The following XIRP2 variants were observed in gnomAD, a reference collection of about 807,000 sequenced individuals.
The protein encoded by XIRP2 is xin actin-binding repeat-containing protein 2.
XIRP2 carries 236 observed loss-of-function variants against 277.0 expected under a neutral mutation model. That is an observed-to-expected ratio of 0.85 (90% CI 0.77 to 0.95). The LOEUF (loss-of-function observed/expected upper bound fraction) is 0.95, where lower values mean the gene tolerates loss of function less well. Ranked by LOEUF, XIRP2 falls within the 40% of genes least tolerant of loss-of-function variation. XIRP2 has a pLI of 0.00. For synonymous variants in XIRP2, 1,490 were observed against 1,416.5 expected, an observed-to-expected ratio of 1.05 and a Z score of -1.17; for missense variants, 4,640 against 4,157.5, an observed-to-expected ratio of 1.12 and a Z score of -3.19.
chr2:166,994,490 AT>A (rs1491205723), intron 2 of XIRP2, among the ~76,000 whole-genome samples: 2 of 86,942 alleles, frequency 2.3e-5, no homozygotes, highest in East Asian at 7.4e-4. Flanking sequence ...AAAAAAAAAA[AT>A]TAAAAAAAAA....
chr2:167,225,098 A>G (rs1694553355), intron 5 of XIRP2, among the ~76,000 whole-genome samples: 1 of 152,228 alleles, frequency 6.6e-6, no homozygotes, highest in African/African-American at 2.4e-5. Context: ...AACACTCTAT[A>G]TAGGTATGTT....
chr2:167,000,802 G>A (rs1687346492), intron 2 of XIRP2, among the ~76,000 whole-genome samples: 2 of 152,034 alleles, frequency 1.3e-5, no homozygotes, highest in African/African-American at 4.8e-5. Flanking sequence ...CAATCATAAT[G>A]TCTTTGATAG....
At chr2:167,201,803 T>A (rs1693729043) in intron 3 of XIRP2, among the ~76,000 whole-genome samples, 1 of 152,190 alleles carries the variant, frequency 6.6e-6, no homozygotes, top group African/African-American at 2.4e-5. Flanking sequence ...AAGAGTTTCA[T>A]ACCCTTAATT....
intron 2 of XIRP2, among the ~76,000 whole-genome samples, chr2:167,127,787 C>G (rs1203270996): frequency 6.6e-6 from 1 of 152,164 alleles, no homozygotes; most frequent in Non-Finnish European, 1.5e-5. Context: ...TTTTTAAAGC[C>G]AGAGAACCCT....
At chr2:166,964,053 A>G (rs1686365611) in intron 2 of XIRP2, among the ~76,000 whole-genome samples, 1 of 151,654 alleles carries the variant, frequency 6.6e-6, no homozygotes, top group South Asian at 2.1e-4. Context: ...TGAATGTGGG[A>G]ATTAAAAGAG....
At chr2:167,065,551 G>C (rs1689281668) in intron 2 of XIRP2, among the ~76,000 whole-genome samples, 1 of 151,590 alleles carries the variant, frequency 6.6e-6, no homozygotes, top group Non-Finnish European at 1.5e-5. Flanking sequence ...CGTTGTTGCT[G>C]TTATTGCTTG....
At position 167,120,091 on chromosome 2, in the gene XIRP2, G is replaced by A. The variant is rs556768184; in HGVS notation, c.409-15818G>A. Among the ~76,000 whole-genome samples the A allele has an allele frequency of 1.6e-4, 25 of 152,278 alleles. No individual in the cohort carries two copies. The East Asian group carries it at 3.9e-3, about 23-fold the overall frequency. ...CTTTAAACGATTTTACCTCCGTCAC[G>A]GTGGGGCTGGTTTCCATTGATGTTT... is the stretch of plus-strand genomic sequence containing the variant. On this transcript the variant is annotated intron_variant, in intron 2 of 10. Transcript: ENST00000409195.
intron 3 of XIRP2, among the ~76,000 whole-genome samples, chr2:167,178,516 G>A (rs1692918826): frequency 6.6e-6 from 1 of 151,986 alleles, no homozygotes; most frequent in African/African-American, 2.4e-5. Context: ...TTTGATTCGG[G>A]ATGGTTATTT....
intron 2 of XIRP2, among the ~76,000 whole-genome samples, chr2:167,000,012 A>G (rs780026005): frequency 1.3e-5 from 2 of 152,204 alleles, no homozygotes; most frequent in Non-Finnish European, 2.9e-5. Context: ...GTAGGCAACT[A>G]TGTTGCAAAA....
intron 4 of XIRP2, among the ~76,000 whole-genome samples, chr2:167,212,921 A>C (rs555079415): frequency 2.2e-5 from 1 of 44,744 alleles, no homozygotes; most frequent in East Asian, 6.5e-4. Context: ...CTGCACACAC[A>C]CACACACACA....
chr2:167,081,946 C>CT (rs398104948), intron 2 of XIRP2, among the ~76,000 whole-genome samples: 119,616 of 146,604 alleles, frequency 0.82, 50,516 homozygotes, highest in Non-Finnish European at 0.93. Context: ...CATGTATTTT[C>CT]TTTTTTTTTA....
At chr2:167,184,001 T>C (rs1248923215) in intron 3 of XIRP2, among the ~76,000 whole-genome samples, 2 of 152,182 alleles carry the variant, frequency 1.3e-5, no homozygotes, top group African/African-American at 2.4e-5. Flanking sequence ...GAATCCCTGC[T>C]CTATTTTCTG....
chr2:167,180,106 G>A (rs574282170), intron 3 of XIRP2, among the ~76,000 whole-genome samples: 59 of 152,172 alleles, frequency 3.9e-4, no homozygotes, highest in Admixed American at 7.2e-4. Context: ...TTCATAGTGC[G>A]TATCTTACTG....
intron 1 of XIRP2, among the ~76,000 whole-genome samples, chr2:166,889,025 A>T (rs1684029275): frequency 6.6e-6 from 1 of 150,886 alleles, no homozygotes; most frequent in Non-Finnish European, 1.5e-5. Flanking sequence ...CAAAGCCATG[A>T]CCCTCAGGGA....
At chr2:167,049,391 T>C (rs1237879801) in intron 2 of XIRP2, among the ~76,000 whole-genome samples, 2 of 151,914 alleles carry the variant, frequency 1.3e-5, no homozygotes, top group Non-Finnish European at 2.9e-5. Context: ...CCTTCATTTA[T>C]GTGTTATAAA....
intron 2 of XIRP2, among the ~76,000 whole-genome samples, chr2:166,941,920 A>C (rs1685730782): frequency 6.6e-6 from 1 of 152,232 alleles, no homozygotes; most frequent in South Asian, 2.1e-4. Flanking sequence ...CTAACTGATA[A>C]AGTTACAATA....
At chr2:166,986,844 T>C (rs1172318409) in intron 2 of XIRP2, among the ~76,000 whole-genome samples, 1 of 152,224 alleles carries the variant, frequency 6.6e-6, no homozygotes, top group African/African-American at 2.4e-5. Context: ...TGTCCTAAGA[T>C]TCTGACCTTC....
chr2:167,053,793 T>G (rs1383597802), intron 2 of XIRP2, among the ~76,000 whole-genome samples: 1 of 152,198 alleles, frequency 6.6e-6, no homozygotes, highest in African/African-American at 2.4e-5. Context: ...TACATTCCTC[T>G]TAGTTCTCAA....
At chr2:166,940,138 T>C (rs1446388448) in intron 2 of XIRP2, among the ~76,000 whole-genome samples, 2 of 152,170 alleles carry the variant, frequency 1.3e-5, no homozygotes, top group African/African-American at 4.8e-5. Context: ...GGAGGCTTTG[T>C]TTGTTTCTTT....
Sources: allele counts gnomAD v4.1 joint callset (sites outside exome capture counted in the v4.1 genomes callset), GRCh38; gene constraint gnomAD v4.1.1; transcripts MANE v1.5; gene names NCBI Gene and HGNC (gene_info 2026-07-23, HGNC 2026-07-21).